The following TENM2 variants were observed in gnomAD, a reference collection of about 807,000 sequenced individuals.
TENM2 encodes teneurin transmembrane protein 2.
In TENM2, 52 loss-of-function variants were observed where a neutral mutation model predicts 245.2. That is an observed-to-expected ratio of 0.21 (90% CI 0.17 to 0.27). The LOEUF is 0.27. TENM2 is among the 10% of genes least tolerant of loss of function. The probability of loss-of-function intolerance (pLI) is 1.00; values close to 1 mark genes in which losing one functional copy is unlikely to be tolerated. For synonymous variants in TENM2, 1,363 were observed against 1,438.9 expected (o/e 0.95, Z 1.19); for missense variants, 3,046 against 3,666.8 (o/e 0.83, Z 4.37).
At chr5:167,804,505 C>A (rs1766010603) in intron 2 of TENM2, among the ~76,000 whole-genome samples, 1 of 152,090 alleles carries the variant, frequency 6.6e-6, no homozygotes, top group Non-Finnish European at 1.5e-5. Context: ...TAGTAATAAT[C>A]TCTGCTCTTT....
intron 4 of TENM2, among the ~76,000 whole-genome samples, chr5:167,991,626 G>A (rs941555064): frequency 2.6e-5 from 4 of 152,176 alleles, no homozygotes; most frequent in African/African-American, 9.7e-5. Flanking sequence ...CTTCTACACT[G>A]CCTGTTCTAC....
chr5:167,178,758 A>T, the TENM2 span, among the ~76,000 whole-genome samples: 10 of 152,188 alleles, frequency 6.6e-5, no homozygotes, highest in African/African-American at 2.4e-4. Flanking sequence ...AATAAAATCA[A>T]AGTCAAGTAT....
intron 1 of TENM2, among the ~76,000 whole-genome samples, chr5:167,359,565 A>T (rs1187392740): frequency 1.3e-5 from 2 of 151,988 alleles, no homozygotes; most frequent in Non-Finnish European, 1.5e-5. Flanking sequence ...TACATACTTA[A>T]GTTTAATTAG....
chr5:167,696,299 A>T (rs114285779), intron 2 of TENM2, among the ~76,000 whole-genome samples: 1,728 of 152,326 alleles, frequency 0.011, 34 homozygotes, highest in African/African-American at 0.037. Flanking sequence ...AAATTTAAAA[A>T]GAGCCCCTGA....
chr5:167,966,509 C>T (rs1583508480), intron 4 of TENM2, among the ~76,000 whole-genome samples: 1 of 152,218 alleles, frequency 6.6e-6, no homozygotes, highest in East Asian at 1.9e-4. Context: ...TAAAAACACA[C>T]TTTTTGTCTT....
chr5:167,862,111 G>A (rs1771869023), intron 2 of TENM2, among the ~76,000 whole-genome samples: 1 of 152,188 alleles, frequency 6.6e-6, no homozygotes, highest in South Asian at 2.1e-4. Flanking sequence ...TGAATTTTAG[G>A]CAGGATGCAC....
At chr5:167,737,867 G>A (rs1395841923) in intron 2 of TENM2, among the ~76,000 whole-genome samples, 1 of 152,194 alleles carries the variant, frequency 6.6e-6, no homozygotes, top group Non-Finnish European at 1.5e-5. Context: ...TAAAGGGAGA[G>A]CTCATGAAAA....
chr5:167,084,768 A>C, the TENM2 span, among the ~76,000 whole-genome samples: 2 of 152,156 alleles, frequency 1.3e-5, no homozygotes, highest in Non-Finnish European at 2.9e-5. Context: ...TGTTTAGTCC[A>C]TTGGCATTAT....
intron 27 of TENM2, among the ~76,000 whole-genome samples, chr5:168,253,998 C>T (rs1261819073): frequency 2.0e-5 from 3 of 152,246 alleles, no homozygotes. Context: ...GAACCCCAGG[C>T]ACACTTTAGC....
the TENM2 span, among the ~76,000 whole-genome samples, chr5:167,275,240 A>G: frequency 1.3e-5 from 2 of 152,090 alleles, no homozygotes; most frequent in Admixed American, 6.6e-5. Flanking sequence ...TTTCTCCACC[A>G]ACACCACACA....
intron 2 of TENM2, among the ~76,000 whole-genome samples, chr5:167,532,291 C>T (rs1771555534): frequency 6.7e-6 from 1 of 148,392 alleles, no homozygotes. Context: ...CATGCATGCT[C>T]TCTCTCTCTC....
At chr5:168,069,563 G>A (rs1790803883) in intron 7 of TENM2, among the ~76,000 whole-genome samples, 1 of 152,070 alleles carries the variant, frequency 6.6e-6, no homozygotes, top group South Asian at 2.1e-4. Context: ...AATGTAACAG[G>A]GACTGATTGT....
At chr5:167,200,474 G>T in the TENM2 span, among the ~76,000 whole-genome samples, 1 of 151,940 alleles carries the variant, frequency 6.6e-6, no homozygotes, top group African/African-American at 2.4e-5. Context: ...AAGAGCAATG[G>T]TGGGAAACTT....
At chr5:167,591,929 C>T (rs17068796) in intron 2 of TENM2, among the ~76,000 whole-genome samples, 6,371 of 152,164 alleles carry the variant, frequency 0.042, 378 homozygotes, top group African/African-American at 0.13. Context: ...TTTTTATGTA[C>T]GCTGTTGAGA....
At chr5:167,903,700 A>C (rs1775884253) in intron 3 of TENM2, among the ~76,000 whole-genome samples, 4 of 152,346 alleles carry the variant, frequency 2.6e-5, no homozygotes, top group Admixed American at 2.0e-4. Flanking sequence ...ACAGAATAGT[A>C]GGTGGATGTC....
intron 2 of TENM2, among the ~76,000 whole-genome samples, chr5:167,545,273 C>G (rs926516548): frequency 6.6e-6 from 1 of 152,154 alleles, no homozygotes; most frequent in African/African-American, 2.4e-5. Flanking sequence ...CAACCACAAC[C>G]TCCATAGATA....
intron 1 of TENM2, among the ~76,000 whole-genome samples, chr5:167,285,727 C>T (rs1343833408): frequency 1.3e-5 from 2 of 152,206 alleles, no homozygotes; most frequent in Non-Finnish European, 2.9e-5. Flanking sequence ...TGTGACAAAG[C>T]TCACTCTCTA....
intron 18 of TENM2, among the ~76,000 whole-genome samples, chr5:168,204,050 C>T (rs1478660305): frequency 6.6e-6 from 1 of 151,676 alleles, no homozygotes; most frequent in African/African-American, 2.4e-5. Context: ...CAGGGTCTTG[C>T]TCTGTCATCC....
intron 2 of TENM2, among the ~76,000 whole-genome samples, chr5:167,565,153 A>G (rs902124288): frequency 3.3e-5 from 5 of 152,362 alleles, no homozygotes; most frequent in African/African-American, 1.2e-4. Flanking sequence ...GGATGACCTT[A>G]TTTTTATTGT....
Sources: gnomAD v4.1 joint callset for allele counts (sites outside exome capture counted in the v4.1 genomes callset) on GRCh38, gnomAD v4.1.1 for gene constraint, MANE v1.5 for transcripts, NCBI Gene and HGNC (gene_info 2026-07-23, HGNC 2026-07-21) for gene names.